SLC1A3: variants seen among roughly 807,000 people sequenced by gnomAD.
SLC1A3 encodes excitatory amino acid transporter 1.
A neutral mutation model predicts 48.1 loss-of-function variants in SLC1A3; 21 were observed. The observed-to-expected ratio is 0.44, with a 90% confidence interval of 0.31 to 0.63. The LOEUF is 0.63. SLC1A3 is among the 20% of genes least tolerant of loss of function. The pLI is 0.08. For synonymous variants in SLC1A3, 239 were observed against 251.4 expected (o/e 0.95, Z 0.47); for missense variants, 546 against 689.0 (o/e 0.79, Z 2.32).
At chr5:36,660,843 T>C (rs1432424849) in intron 3 of SLC1A3, among the ~76,000 whole-genome samples, 1 of 152,218 alleles carries the variant, frequency 6.6e-6, no homozygotes, top group African/African-American at 2.4e-5. Flanking sequence ...TCAAGAAATA[T>C]GCTGACTAAG....
At chr5:36,618,223 C>A (rs1377689862) in intron 2 of SLC1A3, among the ~76,000 whole-genome samples, 2 of 152,196 alleles carry the variant, frequency 1.3e-5, no homozygotes, top group East Asian at 3.9e-4. Context: ...ATGTTACATT[C>A]AACTTTTGAA....
intron 3 of SLC1A3, among the ~76,000 whole-genome samples, chr5:36,648,128 G>A (rs1703976406): frequency 6.6e-6 from 1 of 152,018 alleles, no homozygotes; most frequent in Admixed American, 6.6e-5. Context: ...AAATATGCGA[G>A]GAATAGTGTT....
At chr5:36,613,910 T>C (rs1739318408) in intron 2 of SLC1A3, among the ~76,000 whole-genome samples, 1 of 152,190 alleles carries the variant, frequency 6.6e-6, no homozygotes. Flanking sequence ...AGAAAAATTG[T>C]CAGGGCTAGT....
chr5:36,598,765 G>A (rs993590887), intron 1 of SLC1A3, among the ~76,000 whole-genome samples: 14 of 152,084 alleles, frequency 9.2e-5, no homozygotes, highest in African/African-American at 2.9e-4. Flanking sequence ...GGGACTATAG[G>A]TGTCCGCCAT....
At chr5:36,677,310 C>T (rs1456629759) in intron 6 of SLC1A3, 126 bp downstream of exon 6, 1 of 762,126 alleles carries the variant, frequency 1.3e-6, no homozygotes, top group Non-Finnish European at 2.2e-6. Flanking sequence ...CTGGTAAGCC[C>T]AGGAAAATCA....
chr5:36,643,094 T>G (rs1740684747), intron 3 of SLC1A3, among the ~76,000 whole-genome samples: 1 of 152,226 alleles, frequency 6.6e-6, no homozygotes, highest in South Asian at 2.1e-4. Flanking sequence ...TTTTTTGGTT[T>G]GGTTTGGTTT....
chr5:36,632,473 A>C (rs1389683917), intron 3 of SLC1A3, among the ~76,000 whole-genome samples: 3 of 152,340 alleles, frequency 2.0e-5, no homozygotes, highest in African/African-American at 7.2e-5. Flanking sequence ...CTGACTAAAC[A>C]AATTGCTATT....
intron 2 of SLC1A3, among the ~76,000 whole-genome samples, chr5:36,621,851 A>G (rs1264464352): frequency 1.3e-5 from 2 of 152,148 alleles, no homozygotes; most frequent in African/African-American, 4.8e-5. Context: ...TGTGGGTGGG[A>G]CTTGTGACTT....
At chr5:36,624,612 G>A (rs758018995) in intron 2 of SLC1A3, among the ~76,000 whole-genome samples, 13 of 152,190 alleles carry the variant, frequency 8.5e-5, no homozygotes, top group Non-Finnish European at 1.6e-4. Flanking sequence ...TATCTGCCAC[G>A]TGGTCAATGA....
chr5:36,677,128 A>G lies in SLC1A3; in HGVS notation c.804A>G (p.Arg268=). The G allele has an allele frequency of 6.2e-7, 1 of 1,614,162 alleles. No homozygotes were observed. ...GNMKEQGQAL[R]EFFDSLNEAI... is the part of the protein sequence containing the mutation. The stretch of plus-strand genomic sequence containing the variant: ...TGAAGGAACAGGGGCAGGCCCTGAG[A>G]GAGTTCTTTGATTCTCTTAACGAAG... The change falls in exon 6 of 10, where the codon AGA becomes AGG. Residue 268 remains arginine (R), a synonymous_variant. Coordinates refer to ENST00000265113, the MANE Select transcript of SLC1A3 (RefSeq NM_004172.5).
chr5:36,670,072 G>T (rs540012228), intron 3 of SLC1A3: 12 of 152,078 alleles, frequency 7.9e-5, no homozygotes, highest in African/African-American at 2.4e-4. Flanking sequence ...TAAAACAGAA[G>T]AGCTCATATT....
chr5:36,654,997 G>C (rs549703866), intron 3 of SLC1A3, among the ~76,000 whole-genome samples: 55 of 152,338 alleles, frequency 3.6e-4, no homozygotes, highest in African/African-American at 1.3e-3. Flanking sequence ...TTGCAGCATT[G>C]ACTAGCTGTG....
intron 3 of SLC1A3, among the ~76,000 whole-genome samples, chr5:36,638,263 G>A (rs1309186666): frequency 2.6e-5 from 4 of 152,096 alleles, no homozygotes; most frequent in African/African-American, 7.2e-5. Context: ...TTGCCTAGAG[G>A]ACAGAGTCTG....
intron 2 of SLC1A3, among the ~76,000 whole-genome samples, chr5:36,626,670 G>A (rs1287319989): frequency 6.6e-6 from 1 of 152,178 alleles, no homozygotes; most frequent in Non-Finnish European, 1.5e-5. Flanking sequence ...TAATTTGATT[G>A]GAAGTAAAGC....
intron 9 of SLC1A3, 82 bp from the exon 10 acceptor site, chr5:36,685,983 G>A (rs1364604766): frequency 7.5e-6 from 8 of 1,065,888 alleles, no homozygotes; most frequent in Middle Eastern, 2.8e-4. Context: ...GAGGTGCTTC[G>A]CTGGCCAGTT....
At chr5:36,606,510 C>T (rs922401518), upstream of SLC1A3, 88 of 152,396 alleles carry the variant, frequency 5.8e-4, 2 homozygotes, top group African/African-American at 1.9e-3. Flanking sequence ...GGGGTTTCCC[C>T]CTCCTCCCTG....
chr5:36,598,279 A>T (rs957904), intron 1 of SLC1A3, among the ~76,000 whole-genome samples: 2,113 of 152,324 alleles, frequency 0.014, 41 homozygotes, highest in African/African-American at 0.048. Context: ...TAACAGTGGG[A>T]TTGTTGTGAC....
chr5:36,672,902 G>T (rs1236267832), intron 4 of SLC1A3, among the ~76,000 whole-genome samples: 2 of 152,174 alleles, frequency 1.3e-5, no homozygotes, highest in Non-Finnish European at 2.9e-5. Context: ...GTTTAGATTA[G>T]AAGTATTTTA....
At chr5:36,607,901 G>A (rs1387950849) in intron 1 of SLC1A3, among the ~76,000 whole-genome samples, 1 of 152,070 alleles carries the variant, frequency 6.6e-6, no homozygotes, top group African/African-American at 2.4e-5. Flanking sequence ...TATTGACCTG[G>A]TTATGCTTTC....
Sources: allele counts gnomAD v4.1 joint callset (sites outside exome capture counted in the v4.1 genomes callset), GRCh38; gene constraint gnomAD v4.1.1; transcripts MANE v1.5; gene names NCBI Gene and HGNC (gene_info 2026-07-23, HGNC 2026-07-21).